CSMD3: variants seen among roughly 807,000 people sequenced by gnomAD.
CSMD3 encodes the protein CUB and Sushi multiple domains 3.
A neutral mutation model predicts 435.2 loss-of-function variants in CSMD3; 177 were observed. That is an observed-to-expected ratio of 0.41 (90% confidence interval 0.36 to 0.46). The LOEUF (loss-of-function observed/expected upper bound fraction) is 0.46. Among genes scored for constraint, CSMD3 ranks in the 20% least tolerant of loss-of-function variants. CSMD3 has a pLI of 0.34. For missense variants in CSMD3, 4,265 were observed against 4,504.6 expected, an observed-to-expected ratio of 0.95 and a Z score of 1.52; for synonymous variants, 1,656 against 1,520.5, an observed-to-expected ratio of 1.09 and a Z score of -2.07.
At chr8:112,690,243 T>C (rs1419397340) in intron 13 of CSMD3, among the ~76,000 whole-genome samples, 193 bp from the exon 14 acceptor site, 1 of 151,890 alleles carries the variant, frequency 6.6e-6, no homozygotes, top group Admixed American at 6.6e-5. Flanking sequence ...AATTAGTATA[T>C]TTCTTTCTTT....
chr8:113,249,723 A>G (rs1237866973), intron 3 of CSMD3, among the ~76,000 whole-genome samples: 2 of 151,988 alleles, frequency 1.3e-5, no homozygotes, highest in African/African-American at 4.8e-5. Context: ...AAACTGTTAC[A>G]TTGTTACATT....
At chr8:113,392,721 A>T (rs2094466131) in intron 1 of CSMD3, among the ~76,000 whole-genome samples, 1 of 152,008 alleles carries the variant, frequency 6.6e-6, no homozygotes, top group South Asian at 2.1e-4. Context: ...TTTTTTCAAC[A>T]AATATTTAGG....
At chr8:112,928,376 G>C (rs2082981376) in intron 9 of CSMD3, among the ~76,000 whole-genome samples, 1 of 152,102 alleles carries the variant, frequency 6.6e-6, no homozygotes, top group African/African-American at 2.4e-5. Flanking sequence ...TTATCATAGA[G>C]TCCTTTTCGT....
At chr8:112,776,160 T>C (rs1381017641) in intron 13 of CSMD3, among the ~76,000 whole-genome samples, 6 of 151,752 alleles carry the variant, frequency 4.0e-5, no homozygotes, top group African/African-American at 1.4e-4. Flanking sequence ...ATTTAAACCA[T>C]GGGAAACATA....
intron 10 of CSMD3, among the ~76,000 whole-genome samples, chr8:112,880,861 T>A (rs1246786264): frequency 1.3e-5 from 2 of 152,046 alleles, no homozygotes; most frequent in African/African-American, 4.8e-5. Context: ...TAAGCCTATA[T>A]GCAAGACTAC....
intron 22 of CSMD3, among the ~76,000 whole-genome samples, chr8:112,593,937 T>G (rs563983307): frequency 6.6e-6 from 1 of 152,222 alleles, no homozygotes; most frequent in Non-Finnish European, 1.5e-5. Context: ...GGTTTTGTTT[T>G]GTTTTTTGGT....
intron 20 of CSMD3, among the ~76,000 whole-genome samples, chr8:112,643,788 C>CT (rs145413063): frequency 0.032 from 4,815 of 152,070 alleles, 231 homozygotes; most frequent in African/African-American, 0.094. Flanking sequence ...TTTAACAACG[C>CT]TTTTTCTCAG....
rs2094053307 is a variant in CSMD3 at position 113,334,309 on chromosome 8, T to C, written c.179-19516A>G. Among the ~76,000 whole-genome samples the C allele has an allele frequency of 2.8e-5, 4 of 144,248 alleles. No individual in the cohort carries two copies. In the Admixed American group the frequency reaches 2.9e-4, roughly 10 times the overall value. 94.6% of individuals were successfully genotyped at this position (144,248 alleles called of 152,430 possible). On this transcript the variant is annotated intron_variant, in intron 1 of 70. Transcript: ENST00000297405. ...TTTTTTTTTTTTCATTTCCAGCCTG[T>C]GTACCTGTTACATATTTCCTTGTAT...
chr8:112,588,210 A>C (rs551048593), intron 22 of CSMD3, among the ~76,000 whole-genome samples: 1 of 151,926 alleles, frequency 6.6e-6, no homozygotes, highest in African/African-American at 2.4e-5. Flanking sequence ...TTCTAGAAAT[A>C]AGATTTTAAA....
intron 31 of CSMD3, among the ~76,000 whole-genome samples, chr8:112,477,981 G>C (rs1400753718): frequency 6.6e-6 from 1 of 152,122 alleles, no homozygotes; most frequent in African/African-American, 2.4e-5. Flanking sequence ...CTGTTCTTGT[G>C]ATAGGGAATA....
intron 24 of CSMD3, among the ~76,000 whole-genome samples, chr8:112,571,153 A>G (rs1051870348): frequency 4.0e-5 from 6 of 151,896 alleles, no homozygotes; most frequent in Admixed American, 3.9e-4. Flanking sequence ...GATTACAGGC[A>G]TGTGCCACCA....
chr8:112,406,438 G>A, intron 35 of CSMD3, 86 bp downstream of exon 35: 1 of 725,692 alleles, frequency 1.4e-6, no homozygotes, highest in Admixed American at 2.4e-5. Flanking sequence ...ATAATTATTA[G>A]ATCTGAAATT....
chr8:113,187,533 A>G (rs2092525018), intron 3 of CSMD3, among the ~76,000 whole-genome samples: 1 of 152,082 alleles, frequency 6.6e-6, no homozygotes, highest in Non-Finnish European at 1.5e-5. Context: ...TGAAACCAAC[A>G]GGCAGAGTCT....
At chr8:112,453,776 G>A (rs1483502327) in intron 32 of CSMD3, among the ~76,000 whole-genome samples, 7 of 151,938 alleles carry the variant, frequency 4.6e-5, no homozygotes, top group Non-Finnish European at 8.8e-5. Context: ...AAATTCATAC[G>A]AAACCAAAAA....
chr8:113,054,741 C>T (rs2088244763), intron 5 of CSMD3, among the ~76,000 whole-genome samples: 1 of 152,246 alleles, frequency 6.6e-6, no homozygotes, highest in Middle Eastern at 3.4e-3. Flanking sequence ...CTGGAAAAAA[C>T]TTTCTGTACA....
At chr8:112,590,919 A>G (rs1037206860) in intron 22 of CSMD3, among the ~76,000 whole-genome samples, 3 of 152,038 alleles carry the variant, frequency 2.0e-5, no homozygotes, top group African/African-American at 7.2e-5. Context: ...CCTATGTTTG[A>G]TAATAAGGAT....
chr8:112,580,670 C>T (rs1225951881), intron 23 of CSMD3, among the ~76,000 whole-genome samples: 2 of 151,928 alleles, frequency 1.3e-5, no homozygotes, highest in Non-Finnish European at 2.9e-5. Flanking sequence ...GCAGAATATA[C>T]TACAGAGAGC....
chr8:112,425,024 T>C (rs1302734142), intron 32 of CSMD3, among the ~76,000 whole-genome samples: 1 of 152,198 alleles, frequency 6.6e-6, no homozygotes, highest in Admixed American at 6.5e-5. Context: ...GTTTAAATGT[T>C]TCTTAAATAT....
chr8:112,631,666 C>G (rs2074518238), intron 22 of CSMD3, among the ~76,000 whole-genome samples: 1 of 151,916 alleles, frequency 6.6e-6, no homozygotes, highest in Admixed American at 6.6e-5. Context: ...TAGCATTGAA[C>G]AAATATAAGT....
Sources: gnomAD v4.1 joint callset for allele counts (sites outside exome capture counted in the v4.1 genomes callset) on GRCh38, gnomAD v4.1.1 for gene constraint, MANE v1.5 for transcripts, NCBI Gene and HGNC (gene_info 2026-07-23, HGNC 2026-07-21) for gene names.